TMBIM6: variants seen among roughly 807,000 people sequenced by gnomAD.
The protein encoded by TMBIM6 is transmembrane BAX inhibitor motif containing 6.
Under a neutral mutation model 31.4 loss-of-function variants are expected in TMBIM6, and 13 were observed. The observed-to-expected ratio is 0.41, with a 90% CI of 0.27 to 0.66. The LOEUF (loss-of-function observed/expected upper bound fraction) is 0.66. Among genes scored for constraint, TMBIM6 ranks in the 30% least tolerant of loss-of-function variants. The probability of loss-of-function intolerance (pLI) is 0.28; values close to 1 mark genes in which losing one functional copy is unlikely to be tolerated. For missense variants in TMBIM6, 275 were observed against 289.5 expected, an observed-to-expected ratio of 0.95 and a Z score of 0.36; for synonymous variants, 85 against 101.7, an observed-to-expected ratio of 0.84 and a Z score of 0.99.
At chr12:49,762,809 C>G in intron 9 of TMBIM6, 64 bp from the exon 10 acceptor site, 2 of 1,515,696 alleles carry the variant, frequency 1.3e-6, no homozygotes, top group South Asian at 2.3e-5. Context: ...AATGCTCACT[C>G]AAGAGTTTTA....
intron 8 of TMBIM6, among the ~76,000 whole-genome samples, chr12:49,760,622 C>T (rs1262787422): frequency 1.3e-5 from 2 of 150,570 alleles, no homozygotes; most frequent in Non-Finnish European, 3.0e-5. Flanking sequence ...CTGCAACCTC[C>T]GCCTCCTGGG....
At chr12:49,746,436 T>C (rs1181783196) in intron 1 of TMBIM6, among the ~76,000 whole-genome samples, 3 of 152,178 alleles carry the variant, frequency 2.0e-5, no homozygotes, top group African/African-American at 7.2e-5. Context: ...AATAACAATG[T>C]TAGTACACCA....
intron 9 of TMBIM6, among the ~76,000 whole-genome samples, chr12:49,762,432 A>C (rs1186825372): frequency 2.0e-5 from 3 of 152,196 alleles, no homozygotes; most frequent in Non-Finnish European, 4.4e-5. Context: ...TGCTGGACCA[A>C]ATTATTTCTG....
In TMBIM6 at chr12:49,742,176, C is replaced by T. The variant is rs1258294036; in HGVS notation, c.-31+565C>T. 5 of 1,613,540 alleles carry T rather than the reference C, an allele frequency of 3.1e-6. No individual in the cohort carries two copies. In the South Asian group the frequency reaches 3.3e-5, roughly 11 times the overall value. ...TGTGACACGCGAGGCTCCTCAGTTA[C>T]TTAGCCAACGGCAGAGGCGGGAAGT... is the stretch of plus-strand genomic sequence containing the variant. On this transcript the variant is annotated intron_variant, in intron 1 of 9. Transcript: ENST00000267115.
chr12:49,746,770 CAGAAGAAGA>C (rs200550544), intron 1 of TMBIM6, among the ~76,000 whole-genome samples: 1 of 151,856 alleles, frequency 6.6e-6, no homozygotes, highest in Non-Finnish European at 1.5e-5. Context: ...GCCAAAAACA[CAGAAGAAGA>C]AGAAGAAGAA....
chr12:49,761,806 A>G (rs775066643), intron 9 of TMBIM6, 27 bp downstream of exon 9: 6 of 1,609,246 alleles, frequency 3.7e-6, no homozygotes, highest in Non-Finnish European at 5.1e-6. Flanking sequence ...CCCAAAGATG[A>G]GACAATAATG....
chr12:49,755,446 C>T (rs1294075657), intron 3 of TMBIM6, among the ~76,000 whole-genome samples, 189 bp from the exon 4 acceptor site: 1 of 152,188 alleles, frequency 6.6e-6, no homozygotes, highest in East Asian at 1.9e-4. Context: ...GGTCCTAACT[C>T]TGTGCTTCAA....
intron 8 of TMBIM6, among the ~76,000 whole-genome samples, chr12:49,759,937 C>T (rs966232614): frequency 6.6e-6 from 1 of 151,576 alleles, no homozygotes; most frequent in Non-Finnish European, 1.5e-5. Context: ...ACGGTGAAAC[C>T]CTGTCTCTAC....
intron 1 of TMBIM6, chr12:49,743,393 C>T (rs1329663015): frequency 6.6e-6 from 1 of 151,844 alleles, no homozygotes; most frequent in Non-Finnish European, 1.5e-5. Flanking sequence ...CACCACCATG[C>T]CCAGCTAATT....
intron 1 of TMBIM6, among the ~76,000 whole-genome samples, chr12:49,750,451 G>C (rs2136938953): frequency 1.3e-5 from 2 of 152,294 alleles, no homozygotes; most frequent in South Asian, 4.1e-4. Flanking sequence ...GGGTGTTAAT[G>C]GGAAACCTTA....
chr12:49,753,638 T>G (rs1945536599), intron 3 of TMBIM6, among the ~76,000 whole-genome samples: 1 of 152,218 alleles, frequency 6.6e-6, no homozygotes, highest in Admixed American at 6.5e-5. Flanking sequence ...AACATAGTCT[T>G]GTGCCTTTGT....
At chr12:49,742,048 T>A (rs1945304652) in intron 1 of TMBIM6, 1 of 1,530,374 alleles carries the variant, frequency 6.5e-7, no homozygotes, top group East Asian at 2.4e-5. Flanking sequence ...ATCCGATTGC[T>A]GTTCGGCTGC....
At chr12:49,753,483 G>C (rs1431581434) in intron 3 of TMBIM6, among the ~76,000 whole-genome samples, 4 of 152,174 alleles carry the variant, frequency 2.6e-5, no homozygotes, top group African/African-American at 9.7e-5. Flanking sequence ...GAATTGACCT[G>C]TTTTATTTTC....
At position 49,758,779 on chromosome 12, in the gene TMBIM6, A is replaced by T; in HGVS notation, c.513+17A>T. The T allele has an allele frequency of 6.2e-7, 1 of 1,605,032 alleles. No individual in the cohort carries two copies. On this transcript the variant is annotated intron_variant, in intron 7 of 9. Transcript: ENST00000267115. ...CTTTTCCAGGTAAGACTTAGCCTGG[A>T]ACTTTCCAGCAGCCATTTGCCTCAC...
intron 1 of TMBIM6, among the ~76,000 whole-genome samples, chr12:49,746,952 T>C (rs1945406528): frequency 6.6e-6 from 1 of 151,888 alleles, no homozygotes; most frequent in Non-Finnish European, 1.5e-5. Context: ...TTTCCTTCCC[T>C]AGCCTCCTGA....
intron 7 of TMBIM6, 72 bp downstream of exon 7, chr12:49,758,834 T>TTTG: frequency 3.3e-6 from 4 of 1,194,420 alleles, no homozygotes; most frequent in African/African-American, 1.5e-5. Context: ...TTTTTTTTTT[T>TTTG]GCACTTCTTT....
In TMBIM6 at chr12:49,752,510, G is replaced by A. The variant is rs763392036; in HGVS notation, c.17G>A (p.Arg6Gln). The change falls in exon 2 of 10, where the codon CGA (arginine) becomes CAA (glutamine). Residue 6 changes from arginine (R) to glutamine (Q), a missense_variant. By Grantham distance (43) the Arg-to-Gln change is conservative. Transcript: ENST00000267115. ...TCTGGAACCATGAACATATTTGATC[G>A]AAAGATCAACTTTGATGCGCTTTTA... Reference protein sequence around the residue: MNIFDRKINFDALLKF... With the variant: MNIFDQKINFDALLKF... The A allele has an allele frequency of 1.9e-6, 3 of 1,613,386 alleles. No individual in the cohort carries two copies. The highest frequency in any genetic ancestry group is 1.6e-4 in the Middle Eastern group (1 of 6,082).
intron 1 of TMBIM6, chr12:49,742,237 C>G: frequency 6.2e-7 from 1 of 1,612,524 alleles, no homozygotes; most frequent in Non-Finnish European, 8.5e-7. Context: ...CTTCCAGGCC[C>G]ACGGGGCGGC....
chr12:49,757,119 A>C (rs539077849), intron 4 of TMBIM6, among the ~76,000 whole-genome samples: 17 of 152,102 alleles, frequency 1.1e-4, no homozygotes, highest in African/African-American at 4.1e-4. Context: ...TACCTGCCTC[A>C]GCCTCCCAAA....
Sources: gnomAD v4.1 joint callset for allele counts (sites outside exome capture counted in the v4.1 genomes callset) on GRCh38, gnomAD v4.1.1 for gene constraint, MANE v1.5 for transcripts, NCBI Gene and HGNC (gene_info 2026-07-23, HGNC 2026-07-21) for gene names.